The following NCKAP5 variants were observed in gnomAD, a reference collection of about 807,000 sequenced individuals.
NCKAP5 encodes NCK associated protein 5.
A neutral mutation model predicts 167.0 loss-of-function variants in NCKAP5; 92 were observed. The observed-to-expected ratio is 0.55, with a 90% CI of 0.47 to 0.66. The LOEUF (loss-of-function observed/expected upper bound fraction) is 0.66, where lower values mean the gene tolerates loss of function less well. NCKAP5 is among the 30% of genes least tolerant of loss of function. The probability of loss-of-function intolerance (pLI) is 0.00; values close to 1 mark genes in which losing one functional copy is unlikely to be tolerated. For missense variants in NCKAP5, 2,378 were observed against 2,315.0 expected (o/e 1.03, Z -0.56); for synonymous variants, 891 against 877.4 (o/e 1.02, Z -0.27).
chr2:133,140,478 C>T (rs2082956180), intron 5 of NCKAP5, among the ~76,000 whole-genome samples: 1 of 152,038 alleles, frequency 6.6e-6, no homozygotes, highest in South Asian at 2.1e-4. Flanking sequence ...ATGTTTCTCT[C>T]GTTGTTCTCT....
chr2:133,279,140 C>A (rs2089848596), intron 4 of NCKAP5, among the ~76,000 whole-genome samples: 1 of 152,176 alleles, frequency 6.6e-6, no homozygotes, highest in African/African-American at 2.4e-5. Context: ...CATTTGAGTA[C>A]ACATTCTCAC....
chr2:133,507,018 A>T (rs903298370), intron 3 of NCKAP5, among the ~76,000 whole-genome samples: 3 of 150,332 alleles, frequency 2.0e-5, no homozygotes, highest in African/African-American at 4.9e-5. Flanking sequence ...GACCTACCAA[A>T]CTGGGCCCAG....
chr2:133,607,536 T>C, the NCKAP5 span, among the ~76,000 whole-genome samples: 3 of 152,170 alleles, frequency 2.0e-5, no homozygotes, highest in African/African-American at 4.8e-5. Flanking sequence ...GATTAAGATT[T>C]GGAAGTGGTG....
chr2:132,804,607 G>C (rs566054527), intron 11 of NCKAP5, among the ~76,000 whole-genome samples: 2 of 151,996 alleles, frequency 1.3e-5, no homozygotes, highest in South Asian at 4.2e-4. Flanking sequence ...AGACCTATTG[G>C]AAGCTCCATT....
chr2:133,315,886 A>G (rs1468511942), intron 3 of NCKAP5, among the ~76,000 whole-genome samples: 1 of 152,162 alleles, frequency 6.6e-6, no homozygotes, highest in Non-Finnish European at 1.5e-5. Flanking sequence ...TGCCAAGGGT[A>G]GGGAGAACAA....
chr2:133,256,312 A>G (rs1218555060), intron 4 of NCKAP5, among the ~76,000 whole-genome samples: 1 of 152,174 alleles, frequency 6.6e-6, no homozygotes, highest in Non-Finnish European at 1.5e-5. Flanking sequence ...ACATTGAGGC[A>G]TCTAGATGAA....
chr2:132,873,145 C>T (rs902603232), intron 9 of NCKAP5, among the ~76,000 whole-genome samples: 2 of 152,044 alleles, frequency 1.3e-5, no homozygotes, highest in Admixed American at 1.3e-4. Context: ...ACTTTGTCAC[C>T]CAGGCTGGAG....
intron 3 of NCKAP5, among the ~76,000 whole-genome samples, chr2:133,464,926 G>A (rs1316596338): frequency 6.6e-6 from 1 of 151,836 alleles, no homozygotes; most frequent in East Asian, 1.9e-4. Context: ...CTGTAACTTG[G>A]GGCCAATTAT....
intron 3 of NCKAP5, among the ~76,000 whole-genome samples, chr2:133,474,651 C>T (rs1337051784): frequency 6.6e-6 from 1 of 151,862 alleles, no homozygotes. Context: ...GTTATGTACA[C>T]CATTAAAATG....
chr2:133,377,934 G>A (rs1234705258), intron 3 of NCKAP5, among the ~76,000 whole-genome samples: 1 of 152,136 alleles, frequency 6.6e-6, no homozygotes, highest in African/African-American at 2.4e-5. Context: ...TGGGGGCAGG[G>A]CTGCTCTCAT....
intron 19 of NCKAP5, among the ~76,000 whole-genome samples, chr2:132,682,745 T>C (rs754137973): frequency 7.2e-5 from 11 of 152,222 alleles, no homozygotes; most frequent in Non-Finnish European, 1.6e-4. Context: ...TTGATCTTCT[T>C]CCATTTTCAG....
intron 3 of NCKAP5, among the ~76,000 whole-genome samples, chr2:133,360,939 T>TAA (rs1261568490): frequency 5.1e-5 from 7 of 137,366 alleles, no homozygotes; most frequent in African/African-American, 1.3e-4. Context: ...GTCTTCCCAT[T>TAA]AAAAAAAAAA....
chr2:132,995,838 G>T (rs1389417239), intron 6 of NCKAP5, among the ~76,000 whole-genome samples: 1 of 151,902 alleles, frequency 6.6e-6, no homozygotes, highest in African/African-American at 2.4e-5. Context: ...AGCCGGGTGT[G>T]GTGGCAGGTG....
At chr2:132,789,171 G>C (rs1683843470) in intron 13 of NCKAP5, among the ~76,000 whole-genome samples, 1 of 152,220 alleles carries the variant, frequency 6.6e-6, no homozygotes. Context: ...GAAGGAGAGA[G>C]ACAAAGAGGT....
chr2:133,213,159 T>C (rs2086280846), intron 5 of NCKAP5, among the ~76,000 whole-genome samples: 2 of 152,176 alleles, frequency 1.3e-5, no homozygotes, highest in Non-Finnish European at 2.9e-5. Flanking sequence ...AGACAGTCTA[T>C]AAAATGAAGT....
intron 2 of NCKAP5, among the ~76,000 whole-genome samples, chr2:133,526,508 C>G (rs79606084): frequency 0.025 from 3,862 of 152,242 alleles, 66 homozygotes; most frequent in African/African-American, 0.038. Context: ...GGAGGACTTG[C>G]CTTTATTGTC....
chr2:133,558,431 GA>G (rs1367701071), intron 2 of NCKAP5, among the ~76,000 whole-genome samples: 1 of 151,954 alleles, frequency 6.6e-6, no homozygotes, highest in Non-Finnish European at 1.5e-5. Flanking sequence ...ACAGAAGATT[GA>G]GAAATAAGGT....
intron 16 of NCKAP5, among the ~76,000 whole-genome samples, chr2:132,757,571 C>T (rs1006068892): frequency 5.9e-5 from 9 of 152,318 alleles, no homozygotes; most frequent in Non-Finnish European, 1.3e-4. Flanking sequence ...TTAAACAACT[C>T]AATTTTCATC....
intron 3 of NCKAP5, among the ~76,000 whole-genome samples, chr2:133,416,261 AG>A (rs1406084783): frequency 6.6e-6 from 1 of 152,204 alleles, no homozygotes; most frequent in African/African-American, 2.4e-5. Flanking sequence ...ATTCCACTCT[AG>A]TCATCCTTTC....
Sources: gnomAD v4.1 joint callset for allele counts (sites outside exome capture counted in the v4.1 genomes callset) on GRCh38, gnomAD v4.1.1 for gene constraint, MANE v1.5 for transcripts, NCBI Gene and HGNC (gene_info 2026-07-23, HGNC 2026-07-21) for gene names.